Variants in LIPA observed in about 807,000 individuals in gnomAD.
LIPA encodes lysosomal acid lipase/cholesteryl ester hydrolase.
A neutral mutation model predicts 40.6 loss-of-function variants in LIPA; 26 were observed. The observed-to-expected ratio is 0.64, with a 90% CI of 0.47 to 0.89. The LOEUF is 0.89. Among genes scored for constraint, LIPA ranks in the 40% least tolerant of loss-of-function variants. The pLI is 0.00. For missense variants in LIPA, 455 were observed against 479.6 expected, an observed-to-expected ratio of 0.95 and a Z score of 0.48; for synonymous variants, 188 against 168.4, an observed-to-expected ratio of 1.12 and a Z score of -0.90.
intron 2 of LIPA, among the ~76,000 whole-genome samples, chr10:89,352,172 C>T (rs960135257): frequency 2.6e-5 from 4 of 152,166 alleles, no homozygotes; most frequent in African/African-American, 9.7e-5. Flanking sequence ...AGCCACTGCT[C>T]GACTCCCCCT....
In LIPA at chr10:89,372,064, A is replaced by G. The variant is rs80021669; in HGVS notation, c.61+40727T>C. ...ATATGGGACCTACTTGAGGGTAGAG[A>G]GTAGGAGGAAGCCCCTCATAGAGGC... On this transcript the variant is annotated intron_variant, in intron 2 of 8. Coordinates refer to the LIPA transcript ENST00000371837. 4.8e-3 allele frequency among the ~76,000 whole-genome samples: 731 copies of G among 152,316 alleles called. 2 individuals are homozygous for G. Among genetic ancestry groups the G allele is most frequent in the African/African-American group, 0.017 (700 of 41,570 alleles).
chr10:89,371,555 C>G (rs922746184), intron 2 of LIPA, among the ~76,000 whole-genome samples: 3 of 152,160 alleles, frequency 2.0e-5, no homozygotes, highest in Non-Finnish European at 4.4e-5. Flanking sequence ...CAGCAAACCA[C>G]TAGTGATGGA....
Position 89,214,766 on chromosome 10 carries a change from A to G in LIPA, c.*62T>C. 3 of 1,038,474 alleles carry G rather than the reference A, an allele frequency of 2.9e-6. No individual in the cohort carries two copies. Among genetic ancestry groups the G allele is most frequent in the Non-Finnish European group, 1.5e-6 (1 of 666,434 alleles). The allele number at this position is 1,038,474 out of a possible 1,614,324, so 64.3% of individuals were successfully genotyped here. A position where few individuals can be genotyped will look rare whatever the true frequency, so the allele number is the denominator to read the frequency against. ...AAAAACAAGTGTTTTACAGAAATGA[A>G]GCAAACACATTTTCACATGACATAA... On this transcript the variant is annotated 3_prime_UTR_variant, in exon 10 of 10. Coordinates refer to ENST00000336233, the MANE Select transcript of LIPA (RefSeq NM_000235.4).
intron 1 of LIPA, among the ~76,000 whole-genome samples, chr10:89,303,974 C>T (rs1003693674): frequency 6.6e-6 from 1 of 152,178 alleles, no homozygotes; most frequent in Non-Finnish European, 1.5e-5. Context: ...AACACAGGGT[C>T]TGAGCCCTCC....
At chr10:89,345,081 G>A (rs1019546709), upstream of LIPA, among the ~76,000 whole-genome samples, 2 of 151,658 alleles carry the variant, frequency 1.3e-5, no homozygotes, top group African/African-American at 4.9e-5. Flanking sequence ...GCAGGAGAAT[G>A]GCTTAAACCT....
In LIPA at chr10:89,307,708, A is replaced by C. The variant is rs1843491905; in HGVS notation, c.-2+34903T>G. ...CTGGGCTTGTTTCTATATTTATATAAAGCAGCCAAATCCTTCATGTAATAT... is the reference window on the plus strand; with the variant it reads ...CTGGGCTTGTTTCTATATTTATATACAGCAGCCAAATCCTTCATGTAATAT... On this transcript the variant is annotated intron_variant, in intron 1 of 5. Transcript: ENST00000282673. 8 of 211,356 alleles carry C rather than the reference A, an allele frequency of 3.8e-5. 1 individual carries two copies. In the South Asian group the frequency reaches 8.2e-4, roughly 22 times the overall value. The allele number at this position is 211,356 out of a possible 1,614,324, so 13.1% of individuals were successfully genotyped here.
chr10:89,338,934 T>G (rs572625253), intron 1 of LIPA: 2 of 1,614,092 alleles, frequency 1.2e-6, no homozygotes, highest in South Asian at 2.2e-5. Flanking sequence ...AAATCAGAAG[T>G]CTAGTCACTT....
intron 1 of LIPA, chr10:89,338,796 T>C: frequency 6.2e-7 from 1 of 1,614,114 alleles, no homozygotes; most frequent in Non-Finnish European, 8.5e-7. Context: ...TTTTAAACAC[T>C]GAGTTCAAAG....
intron 1 of LIPA, among the ~76,000 whole-genome samples, chr10:89,297,905 G>T (rs1196442851): frequency 6.6e-6 from 1 of 152,192 alleles, no homozygotes; most frequent in Non-Finnish European, 1.5e-5. Context: ...CCCACTGGAC[G>T]CATGGCCTCT....
intron 2 of LIPA, among the ~76,000 whole-genome samples, chr10:89,398,947 T>C: frequency 6.6e-6 from 1 of 152,188 alleles, no homozygotes; most frequent in East Asian, 1.9e-4. Context: ...TTCTGAGGAA[T>C]TACCATACCA....
chr10:89,327,802 G>A (rs1358143131), intron 1 of LIPA: 11 of 451,922 alleles, frequency 2.4e-5, no homozygotes, highest in Non-Finnish European at 4.0e-5. Context: ...TTTGAATAAC[G>A]TACTCTGGCT....
At chr10:89,308,388 G>A (rs1843496736) in intron 1 of LIPA, 2 of 152,074 alleles carry the variant, frequency 1.3e-5, no homozygotes, top group African/African-American at 2.4e-5. Flanking sequence ...TGAGACGGTA[G>A]GAAAGCAACA....
chr10:89,414,672 C>A, upstream of LIPA: 1 of 1,117,784 alleles, frequency 8.9e-7, no homozygotes, highest in African/African-American at 1.6e-5. Context: ...AGTCCAGGGG[C>A]TGCAGAGGCC....
At chr10:89,274,314 T>A (rs901913887) in intron 1 of LIPA, among the ~76,000 whole-genome samples, 1 of 152,256 alleles carries the variant, frequency 6.6e-6, no homozygotes, top group South Asian at 2.1e-4. Context: ...GTCCAAATGA[T>A]AAAGAAAAAC....
chr10:89,307,733 T>C (rs1484649714), intron 1 of LIPA: 1 of 191,260 alleles, frequency 5.2e-6, no homozygotes, highest in African/African-American at 2.3e-5. Flanking sequence ...TCATGTAATA[T>C]TGAAGTCCAT....
chr10:89,345,260 G>A (rs989685356), upstream of LIPA, among the ~76,000 whole-genome samples: 3 of 151,878 alleles, frequency 2.0e-5, no homozygotes, highest in Non-Finnish European at 4.4e-5. Context: ...CGGGCGCAGT[G>A]CCTCATGCCT....
chr10:89,345,481 A>T (rs541976615), upstream of LIPA, among the ~76,000 whole-genome samples: 1 of 152,164 alleles, frequency 6.6e-6, no homozygotes, highest in South Asian at 2.1e-4. Context: ...GTGAGCTGAG[A>T]TCATGCCACT....
intron 1 of LIPA, among the ~76,000 whole-genome samples, chr10:89,259,252 C>T (rs1216389364): frequency 6.6e-6 from 1 of 151,936 alleles, no homozygotes; most frequent in East Asian, 1.9e-4. Context: ...ACTAAAAACC[C>T]GATCAAAAAT....
chr10:89,314,292 T>A (rs1473524142), intron 1 of LIPA, among the ~76,000 whole-genome samples: 1 of 152,256 alleles, frequency 6.6e-6, no homozygotes, highest in Non-Finnish European at 1.5e-5. Context: ...ATTGGCAAAT[T>A]GGCACAAAGA....
Sources: gnomAD v4.1 joint callset for allele counts (sites outside exome capture counted in the v4.1 genomes callset) on GRCh38, gnomAD v4.1.1 for gene constraint, MANE v1.5 for transcripts, NCBI Gene and HGNC (gene_info 2026-07-23, HGNC 2026-07-21) for gene names.